Variants in ADAMTS20 observed in about 807,000 individuals in gnomAD.
ADAMTS20 encodes the protein ADAM metallopeptidase with thrombospondin type 1 motif 20, also known as A disintegrin and metalloproteinase with thrombospondin motifs 20.
Under a neutral mutation model 260.1 loss-of-function variants are expected in ADAMTS20, and 225 were observed. That is an observed-to-expected ratio of 0.87 (90% CI 0.78 to 0.97). The LOEUF (loss-of-function observed/expected upper bound fraction) is 0.97, where lower values mean the gene tolerates loss of function less well. ADAMTS20 is among the 50% of genes least tolerant of loss of function. The probability of loss-of-function intolerance (pLI) is 0.00; values close to 1 mark genes in which losing one functional copy is unlikely to be tolerated. For missense variants in ADAMTS20, 2,400 were observed against 2,337.7 expected (o/e 1.03, Z -0.55); for synonymous variants, 802 against 769.5 (o/e 1.04, Z -0.70).
intron 4 of ADAMTS20, among the ~76,000 whole-genome samples, chr12:43,500,433 C>A (rs1386356519): frequency 1.3e-5 from 2 of 152,156 alleles, no homozygotes; most frequent in Admixed American, 6.5e-5. Context: ...AACTGACATC[C>A]TCCACACCAT....
intron 3 of ADAMTS20, among the ~76,000 whole-genome samples, chr12:43,519,988 G>C (rs761923430): frequency 2.6e-5 from 4 of 152,108 alleles, no homozygotes; most frequent in Non-Finnish European, 2.9e-5. Context: ...AAAAAGAAAT[G>C]ATTTAACAAA....
chr12:43,379,779 G>C (rs2137218578), intron 31 of ADAMTS20, among the ~76,000 whole-genome samples: 1 of 152,234 alleles, frequency 6.6e-6, no homozygotes, highest in Admixed American at 6.5e-5. Context: ...ACAAACCCTG[G>C]GGAGGAGGAA....
chr12:43,524,722 A>G (rs1943118368), intron 3 of ADAMTS20, among the ~76,000 whole-genome samples: 1 of 152,246 alleles, frequency 6.6e-6, no homozygotes, highest in Non-Finnish European at 1.5e-5. Flanking sequence ...AATGCAGTGG[A>G]AACTTTCAAC....
intron 3 of ADAMTS20, among the ~76,000 whole-genome samples, chr12:43,505,725 G>A (rs1942831766): frequency 6.6e-6 from 1 of 152,128 alleles, no homozygotes; most frequent in South Asian, 2.1e-4. Flanking sequence ...AACCACTACG[G>A]AAAACAATAT....
chr12:43,435,363 G>A (rs1008515046), intron 18 of ADAMTS20, among the ~76,000 whole-genome samples: 5 of 152,054 alleles, frequency 3.3e-5, no homozygotes, highest in Admixed American at 6.5e-5. Flanking sequence ...AGTCTAGGCC[G>A]GGCGTGTTGG....
intron 36 of ADAMTS20, among the ~76,000 whole-genome samples, chr12:43,373,947 G>A (rs1373225009): frequency 6.6e-6 from 1 of 151,788 alleles, no homozygotes; most frequent in Non-Finnish European, 1.5e-5. Flanking sequence ...CCAAAGTGCT[G>A]GGATTACAGG....
intron 2 of ADAMTS20, among the ~76,000 whole-genome samples, chr12:43,548,747 T>C (rs1338456759): frequency 6.6e-6 from 1 of 152,182 alleles, no homozygotes; most frequent in Admixed American, 6.5e-5. Flanking sequence ...ATACCTCTAG[T>C]TATTTCCAAT....
chr12:43,383,436 G>A, intron 31 of ADAMTS20, 122 bp downstream of exon 31: 2 of 921,316 alleles, frequency 2.2e-6, no homozygotes, highest in Non-Finnish European at 3.2e-6. Context: ...TCCTTAGATT[G>A]ATATGCATAC....
At chr12:43,393,242 A>G (rs574851911) in intron 29 of ADAMTS20, among the ~76,000 whole-genome samples, 1 of 152,166 alleles carries the variant, frequency 6.6e-6, no homozygotes, top group Admixed American at 6.5e-5. Flanking sequence ...GTGTTATAGA[A>G]CTAATATAAG....
chr12:43,371,938 T>C (rs181850205), intron 36 of ADAMTS20, among the ~76,000 whole-genome samples: 1 of 152,340 alleles, frequency 6.6e-6, no homozygotes, highest in East Asian at 1.9e-4. Context: ...AGGTTTTAGC[T>C]AGACTAAGTA....
At chr12:43,397,584 G>A (rs756060169) in intron 29 of ADAMTS20, among the ~76,000 whole-genome samples, 7 of 152,162 alleles carry the variant, frequency 4.6e-5, no homozygotes, top group Non-Finnish European at 1.0e-4. Flanking sequence ...AAAGGATAAG[G>A]ATGGATCCAG....
At chr12:43,515,925 G>T (rs1403932407) in intron 3 of ADAMTS20, among the ~76,000 whole-genome samples, 1 of 152,080 alleles carries the variant, frequency 6.6e-6, no homozygotes, top group East Asian at 1.9e-4. Flanking sequence ...TCAAATGAAT[G>T]TTTAGTCGAT....
intron 17 of ADAMTS20, 30 bp downstream of exon 17, chr12:43,439,867 A>G: frequency 6.3e-7 from 1 of 1,586,008 alleles, no homozygotes. Context: ...AATTAAATCC[A>G]AGTGTTATTA....
intron 11 of ADAMTS20, among the ~76,000 whole-genome samples, chr12:43,454,946 A>G (rs776295072): frequency 6.6e-6 from 1 of 152,222 alleles, no homozygotes; most frequent in Non-Finnish European, 1.5e-5. Flanking sequence ...ATATTTAAGC[A>G]TATAGTTCAA....
At chr12:43,372,317 T>C (rs1357186938) in intron 36 of ADAMTS20, among the ~76,000 whole-genome samples, 3 of 152,110 alleles carry the variant, frequency 2.0e-5, no homozygotes, top group Non-Finnish European at 4.4e-5. Context: ...ACAAAACCAT[T>C]AGAGGATGGT....
At chr12:43,373,855 A>G (rs1310997998) in intron 36 of ADAMTS20, among the ~76,000 whole-genome samples, 3 of 150,390 alleles carry the variant, frequency 2.0e-5, no homozygotes, top group Non-Finnish European at 4.4e-5. Context: ...AATTTTTTGT[A>G]TTTTTAGTAG....
At chr12:43,507,394 A>G (rs1036066883) in intron 3 of ADAMTS20, among the ~76,000 whole-genome samples, 7 of 152,172 alleles carry the variant, frequency 4.6e-5, no homozygotes, top group African/African-American at 1.7e-4. Flanking sequence ...ATGTGGGACT[A>G]CAAGCGGCCC....
At chr12:43,408,036 C>A (rs922242110) in intron 28 of ADAMTS20, among the ~76,000 whole-genome samples, 3 of 152,044 alleles carry the variant, frequency 2.0e-5, no homozygotes, top group African/African-American at 7.2e-5. Context: ...GTAACATGAA[C>A]CTTTACAAGT....
At chr12:43,393,892 C>T (rs989038473) in intron 29 of ADAMTS20, among the ~76,000 whole-genome samples, 4 of 151,954 alleles carry the variant, frequency 2.6e-5, no homozygotes, top group African/African-American at 7.2e-5. Context: ...CTATGTTCAC[C>T]GTATTGTGAA....
Sources: allele counts gnomAD v4.1 joint callset (sites outside exome capture counted in the v4.1 genomes callset), GRCh38; gene constraint gnomAD v4.1.1; transcripts MANE v1.5; gene names NCBI Gene and HGNC (gene_info 2026-07-23, HGNC 2026-07-21).